Variants in ARHGAP15 observed in about 807,000 individuals in gnomAD.
ARHGAP15 encodes Rho GTPase activating protein 15, also known as rho GTPase-activating protein 15.
ARHGAP15 carries 51 observed loss-of-function variants against 63.7 expected under a neutral mutation model. That is an observed-to-expected ratio of 0.80 (90% confidence interval 0.64 to 1.01). The LOEUF (loss-of-function observed/expected upper bound fraction) is 1.01, where lower values mean the gene tolerates loss of function less well. Ranked by LOEUF, ARHGAP15 falls within the 50% of genes least tolerant of loss-of-function variation. The probability of loss-of-function intolerance (pLI) is 0.00; values close to 1 mark genes in which losing one functional copy is unlikely to be tolerated. For missense variants in ARHGAP15, 560 were observed against 564.6 expected (o/e 0.99, Z 0.08); for synonymous variants, 191 against 193.8 (o/e 0.99, Z 0.12).
At chr2:143,277,960 C>T (rs1346866584) in intron 6 of ARHGAP15, among the ~76,000 whole-genome samples, 1 of 152,094 alleles carries the variant, frequency 6.6e-6, no homozygotes, top group Non-Finnish European at 1.5e-5. Context: ...AGTGGCAGGT[C>T]TGAGACTCTA....
chr2:143,353,618 T>TA (rs1685672323), intron 6 of ARHGAP15, among the ~76,000 whole-genome samples: 1 of 152,138 alleles, frequency 6.6e-6, no homozygotes, highest in African/African-American at 2.4e-5. Flanking sequence ...TACACAGAAA[T>TA]AACGCCTATC....
At chr2:143,207,829 C>T (rs915326209) in intron 3 of ARHGAP15, among the ~76,000 whole-genome samples, 6 of 152,130 alleles carry the variant, frequency 3.9e-5, no homozygotes, top group Admixed American at 2.0e-4. Flanking sequence ...CATTCATTAT[C>T]GTTCACATTG....
chr2:143,725,186 A>G (rs1685224873), intron 13 of ARHGAP15, among the ~76,000 whole-genome samples: 1 of 152,224 alleles, frequency 6.6e-6, no homozygotes, highest in Non-Finnish European at 1.5e-5. Flanking sequence ...AAGAAGTTTT[A>G]TTGGGAATGA....
chr2:143,308,601 G>A (rs1196733034), intron 6 of ARHGAP15, among the ~76,000 whole-genome samples: 1 of 151,976 alleles, frequency 6.6e-6, no homozygotes, highest in Non-Finnish European at 1.5e-5. Context: ...TGTATAGATT[G>A]TTTTAAGCAA....
In ARHGAP15 at chr2:143,673,781, T is replaced by G. The variant is rs1288783679; in HGVS notation, c.1139-29638T>G. ...GTGTATATATATATATATATATATA[T>G]ATAAACAACTCCTGCAAATTCATAA... On this transcript the variant is annotated intron_variant, in intron 12 of 13. Coordinates refer to ENST00000295095, the MANE Select transcript of ARHGAP15 (RefSeq NM_018460.4). 1.5e-4 allele frequency among the ~76,000 whole-genome samples: 18 copies of G among 120,346 alleles called. 1 individual carries two copies. The highest frequency in any genetic ancestry group is 4.7e-4 in the Admixed American group (5 of 10,590). 79.0% of individuals were successfully genotyped at this position (120,346 alleles called of 152,430 possible). A position where few individuals can be genotyped will look rare whatever the true frequency, so the allele number is the denominator to read the frequency against.
At chr2:143,470,517 T>G (rs1289206097) in intron 8 of ARHGAP15, among the ~76,000 whole-genome samples, 2 of 144,190 alleles carry the variant, frequency 1.4e-5, no homozygotes, top group African/African-American at 5.3e-5. Flanking sequence ...TTCATAATAT[T>G]CTTTTGTTTT....
chr2:143,423,916 T>G (rs1310869367), intron 6 of ARHGAP15, among the ~76,000 whole-genome samples: 2 of 152,052 alleles, frequency 1.3e-5, no homozygotes, highest in African/African-American at 4.8e-5. Context: ...AGTTAATAAG[T>G]AGAGGAATTG....
Position 143,202,118 on chromosome 2 carries a change from G to A in ARHGAP15, c.166-16G>A, listed in dbSNP as rs1404184683. On this transcript the variant is annotated splice_polypyrimidine_tract_variant and intron_variant, in intron 2 of 13. Coordinates refer to ENST00000295095, the MANE Select transcript of ARHGAP15 (RefSeq NM_018460.4). ...GAAAAATTATGTAATAATATCCAAT[G>A]TCAATATATTTGCAGATATCCAGAC... 6.3e-7 allele frequency: 1 copy of A among 1,598,642 alleles called. No individual in the cohort carries two copies. Among genetic ancestry groups the A allele is most frequent in the East Asian group, 2.2e-5 (1 of 44,768 alleles).
At chr2:143,274,872 C>T (rs1291635946) in intron 6 of ARHGAP15, among the ~76,000 whole-genome samples, 27 of 152,082 alleles carry the variant, frequency 1.8e-4, no homozygotes, top group Non-Finnish European at 4.4e-5. Context: ...CCGAATCAAA[C>T]TCTTCTGTGC....
intron 11 of ARHGAP15, among the ~76,000 whole-genome samples, chr2:143,588,191 C>T (rs753387990): frequency 6.6e-6 from 1 of 152,212 alleles, no homozygotes; most frequent in Non-Finnish European, 1.5e-5. Flanking sequence ...ACCCCTCCAT[C>T]TAACTTTCTT....
At chr2:143,439,422 CAAAAAAAAA>C (rs529113949) in intron 8 of ARHGAP15, among the ~76,000 whole-genome samples, 510 of 31,742 alleles carry the variant, frequency 0.016, 12 homozygotes, top group Non-Finnish European at 0.025. Flanking sequence ...GACTCTGTCT[CAAAAAAAAA>C]AAAAAAAAAA....
chr2:143,619,312 C>T (rs897951729), intron 11 of ARHGAP15, among the ~76,000 whole-genome samples: 2 of 152,090 alleles, frequency 1.3e-5, no homozygotes, highest in African/African-American at 4.8e-5. Flanking sequence ...ACCCTAAAGG[C>T]TCTTCAAGAA....
chr2:143,219,999 G>C (rs12475800), intron 4 of ARHGAP15, among the ~76,000 whole-genome samples: 1 of 151,926 alleles, frequency 6.6e-6, no homozygotes, highest in African/African-American at 2.4e-5. Context: ...TATGGGGCTT[G>C]TTTTGTTTTT....
At chr2:143,668,751 G>A (rs1682366494) in intron 12 of ARHGAP15, among the ~76,000 whole-genome samples, 1 of 152,178 alleles carries the variant, frequency 6.6e-6, no homozygotes, top group South Asian at 2.1e-4. Context: ...CCTTTGATGA[G>A]TAATTTCAGC....
chr2:143,204,482 T>A (rs1005353359), intron 3 of ARHGAP15, among the ~76,000 whole-genome samples: 2 of 152,074 alleles, frequency 1.3e-5, no homozygotes, highest in Admixed American at 1.3e-4. Flanking sequence ...GCAAGAGAAC[T>A]GGGGTCCCTT....
intron 13 of ARHGAP15, among the ~76,000 whole-genome samples, chr2:143,728,951 G>A (rs1685409981): frequency 6.6e-6 from 1 of 152,172 alleles, no homozygotes; most frequent in African/African-American, 2.4e-5. Context: ...ACTCAGCACT[G>A]GGAAGTGCAG....
rs1693360395 is a variant in ARHGAP15, at chr2:143,507,170, G to A, written c.827-12096G>A. ...TAATCATTTTTACTCTTCCAACTCA[G>A]TTACCAGTGCCACAAAGCTATCCCT... On this transcript the variant is annotated intron_variant, in intron 9 of 13. Coordinates refer to ENST00000295095, the MANE Select transcript of ARHGAP15 (RefSeq NM_018460.4). Among the ~76,000 whole-genome samples the A allele has an allele frequency of 1.3e-5, 2 of 152,118 alleles. 1 individual carries two copies. The highest frequency in any genetic ancestry group is 4.1e-4 in the South Asian group (2 of 4,822).
intron 2 of ARHGAP15, among the ~76,000 whole-genome samples, chr2:143,169,442 T>C (rs923562691): frequency 6.6e-6 from 1 of 152,068 alleles, no homozygotes; most frequent in African/African-American, 2.4e-5. Context: ...AACTGAGTTG[T>C]CATGCAGATA....
chr2:143,505,125 A>G (rs1693250031), intron 9 of ARHGAP15, among the ~76,000 whole-genome samples: 1 of 152,210 alleles, frequency 6.6e-6, no homozygotes, highest in African/African-American at 2.4e-5. Context: ...GCCATTTGCC[A>G]TATCTCAGGA....
Sources: gnomAD v4.1 joint callset for allele counts (sites outside exome capture counted in the v4.1 genomes callset) on GRCh38, gnomAD v4.1.1 for gene constraint, MANE v1.5 for transcripts, NCBI Gene and HGNC (gene_info 2026-07-23, HGNC 2026-07-21) for gene names.